Variants in JADE3 observed in about 807,000 individuals in gnomAD.
JADE3 encodes jade family PHD finger 3, also known as protein Jade-3.
A neutral mutation model predicts 50.1 loss-of-function variants in JADE3; 2 were observed. The observed-to-expected ratio is 0.04, with a 90% CI of 0.02 to 0.13. JADE3 has a LOEUF of 0.13. JADE3 is among the 10% of genes least tolerant of loss of function. The pLI, the probability that JADE3 is intolerant of heterozygous loss-of-function variation, is 1.00. For synonymous variants in JADE3, 218 were observed against 232.9 expected, an observed-to-expected ratio of 0.94 and a Z score of 0.58; for missense variants, 475 against 634.4, an observed-to-expected ratio of 0.75 and a Z score of 2.70.
intron 8 of JADE3, among the ~76,000 whole-genome samples, chrX:47,051,960 G>T (rs1048077791): frequency 9.0e-6 from 1 of 110,988 alleles, no homozygotes; most frequent in African/African-American, 3.3e-5. Context: ...AGGACTTGGT[G>T]GCGCACGCCT....
chrX:46,955,919 T>C (rs1377709201), intron 1 of JADE3, among the ~76,000 whole-genome samples: 1 of 112,051 alleles, frequency 8.9e-6, no homozygotes, highest in African/African-American at 3.2e-5. Context: ...CAAGCCAAAA[T>C]CTGCCTTTCA....
At chrX:47,032,183 T>C (rs948295085) in intron 6 of JADE3, among the ~76,000 whole-genome samples, 2 of 111,606 alleles carry the variant, frequency 1.8e-5, no homozygotes, top group Admixed American at 9.5e-5. Context: ...TTGGGTATAG[T>C]GGGGCATGAG....
At chrX:46,925,315 T>C (rs1556338634) in intron 1 of JADE3, among the ~76,000 whole-genome samples, 4 of 112,360 alleles carry the variant, frequency 3.6e-5, no homozygotes, top group Non-Finnish European at 7.5e-5. Flanking sequence ...GTAAATACTT[T>C]TATTTTTAAG....
chrX:47,051,295 A>T (rs1556371904), intron 8 of JADE3, among the ~76,000 whole-genome samples: 1 of 112,489 alleles, frequency 8.9e-6, no homozygotes, highest in African/African-American at 3.2e-5. Flanking sequence ...TAAAACTTTG[A>T]CAGTTGCCAG....
At chrX:47,024,328 A>C (rs1928861155) in intron 4 of JADE3, among the ~76,000 whole-genome samples, 1 of 111,845 alleles carries the variant, frequency 8.9e-6, no homozygotes, top group African/African-American at 3.3e-5. Flanking sequence ...TTACCCAAAA[A>C]AAAATTTTTC....
chrX:46,937,189 G>A (rs782506801), intron 1 of JADE3, among the ~76,000 whole-genome samples: 2 of 111,652 alleles, frequency 1.8e-5, no homozygotes, highest in African/African-American at 6.5e-5. Context: ...TCTTTGATTC[G>A]TGGATTATTT....
intron 4 of JADE3, among the ~76,000 whole-genome samples, chrX:47,000,638 C>T (rs1473362208): frequency 9.0e-6 from 1 of 111,267 alleles, no homozygotes; most frequent in African/African-American, 3.3e-5. Flanking sequence ...CTGCAACCTC[C>T]GCCTCCTGAG....
chrX:47,038,521 AT>A (rs1170524328), intron 7 of JADE3, among the ~76,000 whole-genome samples: 30 of 108,876 alleles, frequency 2.8e-4, no homozygotes, highest in African/African-American at 8.7e-4. Flanking sequence ...AGCCAAAAAT[AT>A]TTTTTTTTAA....
intron 1 of JADE3, among the ~76,000 whole-genome samples, chrX:46,972,791 G>T (rs1556350729): frequency 9.0e-6 from 1 of 111,528 alleles, no homozygotes; most frequent in Non-Finnish European, 1.9e-5. Context: ...GTAGAGAGGG[G>T]ATTTCACCAT....
Position 46,974,231 on chromosome X carries a change from C to T in JADE3, c.-11-10653C>T, listed in dbSNP as rs782520416. On this transcript the variant is annotated intron_variant, in intron 1 of 10. Coordinates refer to ENST00000614628, the MANE Select transcript of JADE3 (RefSeq NM_014735.5). ...CCAGCCTGACCAACATGGTGAAACC[C>T]CGTCTCTACTAAAAATACAAAAAAA... Among the ~76,000 whole-genome samples, 9 of 111,167 alleles carry T rather than the reference C, an allele frequency of 8.1e-5. No individual in the cohort carries two copies. The East Asian group carries it at 2.5e-3, about 31-fold the overall frequency.
chrX:46,978,097 G>A (rs1426865848), intron 1 of JADE3, among the ~76,000 whole-genome samples: 1 of 111,806 alleles, frequency 8.9e-6, no homozygotes, highest in Non-Finnish European at 1.9e-5. Flanking sequence ...GTGACAACAG[G>A]GCTGACCATG....
chrX:46,987,583 T>G (rs1225143732), intron 3 of JADE3, among the ~76,000 whole-genome samples: 1 of 112,139 alleles, frequency 8.9e-6, no homozygotes, highest in African/African-American at 3.2e-5. Context: ...CTGGGCACAA[T>G]AGAATGTAAG....
intron 4 of JADE3, among the ~76,000 whole-genome samples, chrX:47,007,807 TTGTGTG>T (rs782728907): frequency 0.018 from 1,266 of 70,720 alleles, 13 homozygotes; most frequent in East Asian, 0.032. Flanking sequence ...TCCTTTTATT[TTGTGTG>T]TGTGTGTGTG....
intron 1 of JADE3, among the ~76,000 whole-genome samples, chrX:46,978,160 C>A (rs1219820263): frequency 8.9e-6 from 1 of 111,776 alleles, no homozygotes; most frequent in East Asian, 2.8e-4. Context: ...TGGAAGAATT[C>A]TCTTGGGTCA....
At chrX:47,002,676 A>AT (rs1360440990) in intron 4 of JADE3, among the ~76,000 whole-genome samples, 1 of 93,713 alleles carries the variant, frequency 1.1e-5, no homozygotes, top group East Asian at 3.3e-4. Flanking sequence ...TGGCAGTTTT[A>AT]TTTAAAAAAA....
chrX:47,037,689 GAGATT>G (rs1929164802), intron 7 of JADE3, among the ~76,000 whole-genome samples: 1 of 112,220 alleles, frequency 8.9e-6, no homozygotes, highest in African/African-American at 3.2e-5. Flanking sequence ...CGGGATGCAT[GAGATT>G]TTGATACAGG....
At position 47,059,108 on chromosome X, in the gene JADE3, G is replaced by C; in HGVS notation, c.*31G>C. ...AACTTCCAAGGATGACCCAACCTTT[G>C]CCTTTGCCCCATATATTGGGGAAAA... On this transcript the variant is annotated 3_prime_UTR_variant, in exon 11 of 11. Transcript: ENST00000614628. 2.8e-6 allele frequency: 3 copies of C among 1,082,558 alleles called. No individual in the cohort carries two copies. Among genetic ancestry groups the C allele is most frequent in the Non-Finnish European group, 2.5e-6 (2 of 811,186 alleles). The allele number at this position is 1,082,558 out of a possible 1,213,427, so 89.2% of individuals were successfully genotyped here.
chrX:46,920,707 C>T (rs782410613), intron 1 of JADE3, among the ~76,000 whole-genome samples: 6 of 112,674 alleles, frequency 5.3e-5, no homozygotes, highest in African/African-American at 1.9e-4. Context: ...CCCAGCACCA[C>T]TTGTTGAAAA....
At chrX:46,955,700 G>A (rs1927099075) in intron 1 of JADE3, among the ~76,000 whole-genome samples, 1 of 111,330 alleles carries the variant, frequency 9.0e-6, no homozygotes. Context: ...GATGGAACGT[G>A]AGAATTGTAG....
Sources: gnomAD v4.1 joint callset for allele counts (sites outside exome capture counted in the v4.1 genomes callset) on GRCh38, gnomAD v4.1.1 for gene constraint, MANE v1.5 for transcripts, NCBI Gene and HGNC (gene_info 2026-07-23, HGNC 2026-07-21) for gene names.